The following CNTNAP5 variants were observed in gnomAD, a reference collection of about 807,000 sequenced individuals.
CNTNAP5 encodes the protein contactin-associated protein-like 5.
Under a neutral mutation model 150.2 loss-of-function variants are expected in CNTNAP5, and 72 were observed. That is an observed-to-expected ratio of 0.48 (90% CI 0.40 to 0.58). The LOEUF is 0.58. Among genes scored for constraint, CNTNAP5 ranks in the 20% least tolerant of loss-of-function variants. The pLI is 0.00. For synonymous variants in CNTNAP5, 672 were observed against 619.8 expected (o/e 1.08, Z -1.25); for missense variants, 1,636 against 1,626.2 (o/e 1.01, Z -0.10).
chr2:124,312,200 T>C (rs1427164800), intron 3 of CNTNAP5, among the ~76,000 whole-genome samples: 2 of 152,328 alleles, frequency 1.3e-5, no homozygotes, highest in Middle Eastern at 3.4e-3. Context: ...TCTTTGTCCT[T>C]CAAGGCATTA....
chr2:124,284,186 G>A (rs560389115), intron 3 of CNTNAP5, among the ~76,000 whole-genome samples: 1 of 152,266 alleles, frequency 6.6e-6, no homozygotes, highest in South Asian at 2.1e-4. Flanking sequence ...TTATAGTTTA[G>A]CAGAGGAACC....
intron 1 of CNTNAP5, among the ~76,000 whole-genome samples, chr2:124,117,217 A>G (rs912623232): frequency 6.6e-6 from 1 of 152,200 alleles, no homozygotes; most frequent in African/African-American, 2.4e-5. Context: ...CCTGAGGTCT[A>G]TTCTGGAGGC....
chr2:124,271,701 C>CATCTATCT (rs3063496), intron 3 of CNTNAP5, among the ~76,000 whole-genome samples: 61 of 114,848 alleles, frequency 5.3e-4, no homozygotes, highest in African/African-American at 1.9e-3. Flanking sequence ...ATCTATCTAT[C>CATCTATCT]ATCTATCTAT....
At chr2:124,245,651 GTATATATATACACACAAA>G (rs59253570) in intron 3 of CNTNAP5, among the ~76,000 whole-genome samples, 33,883 of 146,124 alleles carry the variant, frequency 0.23, 4,238 homozygotes, top group African/African-American at 0.3. Flanking sequence ...TTGTGTGTAT[GTATATATATACACACAAA>G]TATATATATA....
chr2:124,314,711 A>G (rs1688921387), intron 3 of CNTNAP5, among the ~76,000 whole-genome samples: 1 of 152,180 alleles, frequency 6.6e-6, no homozygotes, highest in East Asian at 1.9e-4. Context: ...ATTTTTACCC[A>G]GGCATTTCAA....
chr2:124,709,964 G>T (rs899657939), intron 13 of CNTNAP5, among the ~76,000 whole-genome samples: 3 of 152,048 alleles, frequency 2.0e-5, no homozygotes, highest in Non-Finnish European at 1.5e-5. Context: ...AATGTTGATA[G>T]ATTTAAATGT....
At chr2:124,435,903 C>T (rs780193819) in intron 5 of CNTNAP5, among the ~76,000 whole-genome samples, 1 of 152,100 alleles carries the variant, frequency 6.6e-6, no homozygotes, top group Non-Finnish European at 1.5e-5. Context: ...TAGATATACA[C>T]ACCAAAATAC....
intron 12 of CNTNAP5, among the ~76,000 whole-genome samples, chr2:124,622,759 A>G (rs13402580): frequency 6.6e-6 from 1 of 152,118 alleles, no homozygotes; most frequent in African/African-American, 2.4e-5. Flanking sequence ...GTCAACTTCC[A>G]TTGCCCTACT....
intron 11 of CNTNAP5, among the ~76,000 whole-genome samples, chr2:124,565,986 C>G (rs1696016626): frequency 6.8e-6 from 1 of 146,828 alleles, no homozygotes; most frequent in Non-Finnish European, 1.5e-5. Context: ...GGAAGAAAAA[C>G]TAATGAACTC....
intron 16 of CNTNAP5, among the ~76,000 whole-genome samples, chr2:124,772,269 G>A (rs2104610682): frequency 6.6e-6 from 1 of 152,310 alleles, no homozygotes; most frequent in East Asian, 1.9e-4. Flanking sequence ...GGAGGCTTGG[G>A]TTTGATTGCA....
At chr2:124,580,558 T>C (rs1696387371) in intron 11 of CNTNAP5, among the ~76,000 whole-genome samples, 3 of 152,352 alleles carry the variant, frequency 2.0e-5, no homozygotes, top group African/African-American at 7.2e-5. Context: ...CGTTCTTTGC[T>C]CAATTAAACA....
At chr2:124,037,679 AGGTGTGGGGAGG>A (rs1681262202) in intron 1 of CNTNAP5, among the ~76,000 whole-genome samples, 1 of 152,142 alleles carries the variant, frequency 6.6e-6, no homozygotes, top group South Asian at 2.1e-4. Flanking sequence ...CAGGAGCTGT[AGGTGTGGGGAGG>A]GATGGGAGAT....
At chr2:124,400,570 G>A (rs542111753) in intron 3 of CNTNAP5, among the ~76,000 whole-genome samples, 2 of 151,976 alleles carry the variant, frequency 1.3e-5, no homozygotes, top group East Asian at 3.9e-4. Flanking sequence ...CTAATAGAAG[G>A]TTGGGCTGCC....
chr2:124,519,033 T>A (rs1490591984), intron 8 of CNTNAP5, among the ~76,000 whole-genome samples: 1 of 144,012 alleles, frequency 6.9e-6, no homozygotes, highest in Non-Finnish European at 1.5e-5. Context: ...TGATTCATGC[T>A]ACGTGGATGA....
intron 21 of CNTNAP5, among the ~76,000 whole-genome samples, chr2:124,900,487 T>C (rs1678394438): frequency 6.6e-6 from 1 of 151,518 alleles, no homozygotes; most frequent in South Asian, 2.1e-4. Context: ...AAGGTTTCTG[T>C]CCTTATAGTA....
chr2:124,805,588 G>A (rs1682065078), intron 19 of CNTNAP5, among the ~76,000 whole-genome samples: 1 of 152,132 alleles, frequency 6.6e-6, no homozygotes, highest in Admixed American at 6.5e-5. Flanking sequence ...GAGCTAGTAT[G>A]GAAATAAAGC....
intron 19 of CNTNAP5, among the ~76,000 whole-genome samples, chr2:124,863,640 AG>A (rs1489180380): frequency 6.6e-6 from 1 of 152,144 alleles, no homozygotes; most frequent in Non-Finnish European, 1.5e-5. Flanking sequence ...TTCTATGAGT[AG>A]CAACTTATAT....
chr2:124,665,885 C>CAAAA (rs34611958), intron 13 of CNTNAP5, among the ~76,000 whole-genome samples: 2 of 142,312 alleles, frequency 1.4e-5, no homozygotes, highest in African/African-American at 5.2e-5. Context: ...GACTCCGTCT[C>CAAAA]AAAAAAAAAA....
At chr2:124,285,277 T>C (rs801924) in intron 3 of CNTNAP5, among the ~76,000 whole-genome samples, 113,950 of 152,032 alleles carry the variant, frequency 0.75, 43,055 homozygotes, top group South Asian at 0.87. Context: ...ACCACTTTGA[T>C]AGCTTTCCCT....
Sources: gnomAD v4.1 joint callset for allele counts (sites outside exome capture counted in the v4.1 genomes callset) on GRCh38, gnomAD v4.1.1 for gene constraint, MANE v1.5 for transcripts, NCBI Gene and HGNC (gene_info 2026-07-23, HGNC 2026-07-21) for gene names.